Variants in PRRT4 observed in about 807,000 individuals in gnomAD.
PRRT4 encodes the protein proline rich transmembrane protein 4, also known as proline-rich transmembrane protein 4.
PRRT4 carries 59 observed loss-of-function variants against 55.6 expected under a neutral mutation model. That is an observed-to-expected ratio of 1.06 (90% CI 0.86 to 1.32). PRRT4 has a LOEUF of 1.32. PRRT4 is among the 40% of genes most tolerant of loss of function. The pLI, the probability that PRRT4 is intolerant of heterozygous loss-of-function variation, is 0.00. For missense variants in PRRT4, 1,217 were observed against 1,222.0 expected (o/e 1.00, Z 0.06); for synonymous variants, 606 against 601.8 (o/e 1.01, Z -0.10).
At chr7:128,354,942 T>G (rs1341661704) in intron 4 of PRRT4, among the ~76,000 whole-genome samples, 1 of 152,206 alleles carries the variant, frequency 6.6e-6, no homozygotes, top group Non-Finnish European at 1.5e-5. Context: ...GATCCTTCAG[T>G]CAAGATTGTG....
At chr7:128,360,565 G>T (rs1478263412) in intron 1 of PRRT4, among the ~76,000 whole-genome samples, 1 of 152,200 alleles carries the variant, frequency 6.6e-6, no homozygotes, top group Non-Finnish European at 1.5e-5. Flanking sequence ...CAGGGCCTCG[G>T]GAGGGGTAAA....
intron 4 of PRRT4, among the ~76,000 whole-genome samples, chr7:128,355,934 A>G (rs145484466): frequency 5.9e-5 from 9 of 152,258 alleles, no homozygotes; most frequent in African/African-American, 2.2e-4. Context: ...CTCTATACCT[A>G]AGCTCCATGG....
chr7:128,353,072 T>G (rs753452748), intron 4 of PRRT4, among the ~76,000 whole-genome samples: 1 of 152,084 alleles, frequency 6.6e-6, no homozygotes, highest in Non-Finnish European at 1.5e-5. Flanking sequence ...AGAACGGGGA[T>G]TTTTGTTTCT....
chr7:128,351,004 G>T, exon 5 of PRRT4: 1 of 1,550,640 alleles, frequency 6.4e-7, no homozygotes. Context: ...GGCCTGGTAG[G>T]ATCCTGAGGC....
intron 4 of PRRT4, among the ~76,000 whole-genome samples, chr7:128,356,757 G>T (rs1249934640): frequency 1.3e-5 from 2 of 152,334 alleles, no homozygotes; most frequent in East Asian, 1.9e-4. Context: ...TCCACCAGCT[G>T]CCCAGATCAA....
At chr7:128,354,545 CAG>C (rs1366854431) in intron 4 of PRRT4, among the ~76,000 whole-genome samples, 2 of 148,632 alleles carry the variant, frequency 1.3e-5, no homozygotes, top group African/African-American at 5.0e-5. Context: ...GCCTGGGTGA[CAG>C]AGCGAGACTC....
chr7:128,351,142 G>C (rs776682704), exon 5 of PRRT4: 8 of 1,547,168 alleles, frequency 5.2e-6, no homozygotes, highest in Non-Finnish European at 7.0e-6. Flanking sequence ...TCCGCAGAAC[G>C]AGCCAGATGA....
exon 5 of PRRT4, chr7:128,352,522 A>T (rs1397118811): frequency 5.2e-6 from 8 of 1,543,606 alleles, no homozygotes; most frequent in Non-Finnish European, 7.0e-6. Flanking sequence ...CAGGGTCAGG[A>T]AAAAGAGGGG....
chr7:128,359,807 C>A, exon 2 of PRRT4: 1 of 1,523,160 alleles, frequency 6.6e-7, no homozygotes, highest in Non-Finnish European at 8.8e-7. Context: ...AGCAGCAGGT[C>A]CCCGAAGATG....
exon 5 of PRRT4, chr7:128,351,343 C>T (rs994156505): frequency 7.8e-5 from 121 of 1,546,908 alleles, no homozygotes; most frequent in Non-Finnish European, 9.6e-5. Context: ...CAGGGCCTCG[C>T]TGCAGAGGGC....
intron 4 of PRRT4, among the ~76,000 whole-genome samples, chr7:128,356,557 C>T (rs1415551959): frequency 6.6e-6 from 1 of 152,260 alleles, no homozygotes; most frequent in Non-Finnish European, 1.5e-5. Context: ...TCTGTTCCTC[C>T]CTTCCCAGGA....
intron 4 of PRRT4, among the ~76,000 whole-genome samples, chr7:128,354,230 G>C (rs564324153): frequency 6.6e-6 from 1 of 152,310 alleles, no homozygotes; most frequent in East Asian, 1.9e-4. Flanking sequence ...AGCACCCCCA[G>C]CCACAGGCAG....
chr7:128,352,058 CGCGCGAGGCGAGCCGCAGGGGCCGCA>C lies in PRRT4; in HGVS notation c.1472_1497del (p.Leu491ArgfsTer79). 1 of 1,220,092 alleles carries C rather than the reference CGCGCGAGGCGAGCCGCAGGGGCCGCA, an allele frequency of 8.2e-7. No individual in the cohort carries two copies. Among genetic ancestry groups the C allele is most frequent in the African/African-American group, 1.6e-5 (1 of 62,792 alleles). The allele number at this position is 1,220,092 out of a possible 1,614,324, so 75.6% of individuals were successfully genotyped here. A position where few individuals can be genotyped will look rare whatever the true frequency, so the allele number is the denominator to read the frequency against. ...AAAGCGGCGAGAAAGGCGTGCAGCC[CGCGCGAGGCGAGCCGCAGGGGCCGCA>C]GCGGGCGATGCGCGGCGCTCCCGAG... On this transcript the variant is annotated frameshift_variant, in exon 5 of 5. Coordinates refer to ENST00000535159, the Ensembl canonical transcript of PRRT4. LOFTEE classifies it high-confidence loss of function.
chr7:128,352,049 C>T, exon 5 of PRRT4: 1 of 1,249,800 alleles, frequency 8.0e-7, no homozygotes, highest in South Asian at 2.7e-5. Context: ...GCGAGAAAGG[C>T]GTGCAGCCCG....
exon 5 of PRRT4, chr7:128,352,269 G>A: frequency 1.3e-6 from 2 of 1,543,098 alleles, no homozygotes; most frequent in South Asian, 1.2e-5. Context: ...AGGCGAGCGC[G>A]GGCAGTCGAT....
At position 128,359,328 on chromosome 7, in the gene PRRT4, G is replaced by T; in HGVS notation, c.652+12C>A. 1 of 1,497,812 alleles carries T rather than the reference G, an allele frequency of 6.7e-7. No homozygotes were observed. The highest frequency in any genetic ancestry group is 8.9e-7 in the Non-Finnish European group (1 of 1,124,894). 92.8% of individuals were successfully genotyped at this position (1,497,812 alleles called of 1,614,324 possible). ...CAGCAGGGGCTTTCCTTGGGATGGG[G>T]TGGTTACTCACCAAAGGGTCCCAGG... On this transcript the variant is annotated intron_variant, in intron 2 of 4. Coordinates refer to ENST00000535159, the Ensembl canonical transcript of PRRT4.
At chr7:128,350,751 G>T, downstream of PRRT4, 1 of 1,475,270 alleles carries the variant, frequency 6.8e-7, no homozygotes. Flanking sequence ...AATCTGGAGA[G>T]GTATCTGAGC....
At chr7:128,356,078 G>A (rs1221876670) in intron 4 of PRRT4, among the ~76,000 whole-genome samples, 2 of 152,046 alleles carry the variant, frequency 1.3e-5, no homozygotes, top group African/African-American at 4.8e-5. Context: ...GGCCAACATG[G>A]TGAAACCCGA....
chr7:128,359,344 G>T (rs1584687890), exon 2 of PRRT4: 3 of 1,482,400 alleles, frequency 2.0e-6, no homozygotes, highest in Non-Finnish European at 2.7e-6. Context: ...ACTCACCAAA[G>T]GGTCCCAGGC....
Sources: allele counts gnomAD v4.1 joint callset (sites outside exome capture counted in the v4.1 genomes callset), GRCh38; gene constraint gnomAD v4.1.1; transcripts MANE v1.5; gene names NCBI Gene and HGNC (gene_info 2026-07-23, HGNC 2026-07-21).